The following ABCC5 variants were observed in gnomAD, a reference collection of about 807,000 sequenced individuals.
ABCC5 encodes ATP binding cassette subfamily C member 5.
ABCC5 carries 61 observed loss-of-function variants against 160.9 expected under a neutral mutation model. The ratio of observed to expected loss-of-function variants is 0.38; its 90% confidence interval spans 0.31 to 0.47. The LOEUF (loss-of-function observed/expected upper bound fraction) is 0.47, where lower values mean the gene tolerates loss of function less well. ABCC5 is among the 20% of genes least tolerant of loss of function. The pLI is 0.99. For missense variants in ABCC5, 1,308 were observed against 1,813.3 expected (o/e 0.72, Z 5.06); for synonymous variants, 666 against 700.6 (o/e 0.95, Z 0.78).
chr3:183,964,520 C>T (rs1717047165), intron 14 of ABCC5, among the ~76,000 whole-genome samples: 1 of 152,196 alleles, frequency 6.6e-6, no homozygotes, highest in Non-Finnish European at 1.5e-5. Flanking sequence ...GGAGAACAGC[C>T]TAAGAATTTG....
chr3:183,950,182 ATTG>A, intron 20 of ABCC5, 57 bp from the exon 21 acceptor site: 2 of 1,544,658 alleles, frequency 1.3e-6, no homozygotes, highest in Admixed American at 4.3e-5. Flanking sequence ...GGAACTGAAA[ATTG>A]AAAAAAACAA....
chr3:183,937,536 A>G (rs532356462), intron 26 of ABCC5, among the ~76,000 whole-genome samples: 1 of 152,308 alleles, frequency 6.6e-6, no homozygotes, highest in South Asian at 2.1e-4. Context: ...TATAATTTAC[A>G]TGAACTTATT....
chr3:183,952,934 C>T lies in ABCC5; in HGVS notation c.2667+152G>A, dbSNP rs1007528135. On this transcript the variant is annotated intron_variant, in intron 18 of 29. Transcript: ENST00000334444. ...CGTTTTTTTCCTTCTGGTGAGGCTA[C>T]ATTAGGGACTCATCTTTTCATCCTG... 6.7e-5 allele frequency: 61 copies of T among 914,308 alleles called. No homozygotes were observed. The African/African-American group carries it at 7.9e-4, about 12-fold the overall frequency. The allele number at this position is 914,308 out of a possible 1,614,324, so 56.6% of individuals were successfully genotyped here. A position where few individuals can be genotyped will look rare whatever the true frequency, so the allele number is the denominator to read the frequency against.
chr3:183,931,904 T>C (rs184163954), intron 26 of ABCC5, among the ~76,000 whole-genome samples: 137 of 152,296 alleles, frequency 9.0e-4, no homozygotes, highest in African/African-American at 3.0e-3. Flanking sequence ...TTCAGTTAAG[T>C]GATTGGATAG....
At chr3:183,997,115 A>C (rs1240128108) in intron 2 of ABCC5, among the ~76,000 whole-genome samples, 2 of 152,156 alleles carry the variant, frequency 1.3e-5, no homozygotes, top group Non-Finnish European at 2.9e-5. Context: ...AAAATAAATA[A>C]ATAAAAAATA....
At chr3:183,985,035 T>C in intron 5 of ABCC5, 1 of 737,226 alleles carries the variant, frequency 1.4e-6, no homozygotes, top group Non-Finnish European at 2.2e-6. Context: ...ATGTTTACAC[T>C]ATGCGAAACT....
chr3:183,960,960 A>AT (rs1716674142), intron 16 of ABCC5, among the ~76,000 whole-genome samples: 1 of 151,688 alleles, frequency 6.6e-6, no homozygotes, highest in African/African-American at 2.4e-5. Flanking sequence ...TAATTTTTGT[A>AT]TTTTTTTGTA....
rs905782432 is a variant in ABCC5, at chr3:183,921,729, C to T, written c.4213-328G>A. On this transcript the variant is annotated intron_variant, in intron 29 of 29. Transcript: ENST00000334444. The surrounding 1 kb of genome is among the most constrained non-coding windows in gnomAD (Gnocchi z 4.1). ...TCAGCCTTGGGAGTGAAGGAACCAA[C>T]CAACCAGGTCTATAAACTGCAGGAG... is the stretch of plus-strand genomic sequence containing the variant. Among the ~76,000 whole-genome samples the T allele has an allele frequency of 6.6e-6, 1 of 151,932 alleles. No individual in the cohort carries two copies. The highest frequency in any genetic ancestry group is 1.5e-5 in the Non-Finnish European group (1 of 68,018).
At chr3:183,953,737 T>C (rs749031750) in intron 17 of ABCC5, among the ~76,000 whole-genome samples, 2 of 151,592 alleles carry the variant, frequency 1.3e-5, no homozygotes, top group Non-Finnish European at 2.9e-5. Context: ...GATGACCGGG[T>C]GGGGAAAGGA....
At chr3:183,956,537 T>C (rs1716002368) in intron 17 of ABCC5, among the ~76,000 whole-genome samples, 1 of 149,532 alleles carries the variant, frequency 6.7e-6, no homozygotes. Context: ...TGCAGATCAG[T>C]GTGTATATCA....
intron 26 of ABCC5, among the ~76,000 whole-genome samples, chr3:183,935,876 T>C (rs1332822321): frequency 6.6e-6 from 1 of 152,216 alleles, no homozygotes; most frequent in Non-Finnish European, 1.5e-5. Flanking sequence ...TGGTTTATTA[T>C]CAACCACAGA....
At chr3:183,928,611 T>A in intron 27 of ABCC5, 136 bp downstream of exon 27, 1 of 715,430 alleles carries the variant, frequency 1.4e-6, no homozygotes, top group Non-Finnish European at 2.4e-6. Flanking sequence ...TCTGAAAGAC[T>A]TGGAGAGCCC....
rs2108864686 is a variant in ABCC5 at position 183,987,378 on chromosome 3, G to A, written c.591+392C>T. On this transcript the variant is annotated intron_variant, in intron 5 of 29. Coordinates refer to ENST00000334444, the MANE Select transcript of ABCC5 (RefSeq NM_005688.4). The surrounding 1 kb of genome is among the most constrained non-coding windows in gnomAD (Gnocchi z 4.2). ...GCCAAACATGTGATAACTGCCTCCA[G>A]GCACTTGGTATGTTCCCGGTGCTGG... 1 of 429,752 alleles carries A rather than the reference G, an allele frequency of 2.3e-6. No individual in the cohort carries two copies. The highest frequency in any genetic ancestry group is 4.8e-5 in the South Asian group (1 of 21,016). 26.6% of individuals were successfully genotyped at this position (429,752 alleles called of 1,614,324 possible). A position where few individuals can be genotyped will look rare whatever the true frequency, so the allele number is the denominator to read the frequency against.
chr3:183,957,512 G>A (rs1438400104), intron 17 of ABCC5, among the ~76,000 whole-genome samples: 6 of 136,318 alleles, frequency 4.4e-5, no homozygotes, highest in East Asian at 2.4e-4. Flanking sequence ...AAATCACATC[G>A]GTTACATGCT....
intron 17 of ABCC5, among the ~76,000 whole-genome samples, chr3:183,958,552 T>C (rs1444078701): frequency 6.6e-6 from 1 of 152,156 alleles, no homozygotes; most frequent in Non-Finnish European, 1.5e-5. Flanking sequence ...CAAAATCTCA[T>C]ACCTGAATTC....
chr3:183,952,256 C>T (rs1715441885), intron 18 of ABCC5, among the ~76,000 whole-genome samples: 1 of 151,090 alleles, frequency 6.6e-6, no homozygotes, highest in Non-Finnish European at 1.5e-5. Context: ...AAGAAATTCT[C>T]ATGCCTCAGC....
intron 17 of ABCC5, among the ~76,000 whole-genome samples, chr3:183,957,915 T>G (rs1716334638): frequency 6.6e-6 from 1 of 150,772 alleles, no homozygotes. Flanking sequence ...CGGATCCGTG[T>G]GTATATCACA....
At chr3:183,955,834 G>A (rs1450415915) in intron 17 of ABCC5, among the ~76,000 whole-genome samples, 1 of 143,428 alleles carries the variant, frequency 7.0e-6, no homozygotes, top group Admixed American at 7.2e-5. Context: ...GCAGCTCCGT[G>A]TGTATATCAC....
chr3:183,970,664 T>C (rs1284754409), intron 11 of ABCC5, among the ~76,000 whole-genome samples: 1 of 152,190 alleles, frequency 6.6e-6, no homozygotes, highest in Non-Finnish European at 1.5e-5. Flanking sequence ...CTTGAACTCC[T>C]GGGCTCAAGT....
Sources: allele counts gnomAD v4.1 joint callset (sites outside exome capture counted in the v4.1 genomes callset), GRCh38; gene constraint gnomAD v4.1.1; non-coding constraint Gnocchi (gnomAD v3.1); transcripts MANE v1.5; gene names NCBI Gene and HGNC (gene_info 2026-07-23, HGNC 2026-07-21).